Variants in KIAA1549L observed in about 807,000 individuals in gnomAD.
The protein encoded by KIAA1549L is UPF0606 protein KIAA1549L.
KIAA1549L carries 88 observed loss-of-function variants against 160.7 expected under a neutral mutation model. The observed-to-expected ratio is 0.55, with a 90% CI of 0.46 to 0.65. The LOEUF is 0.65. Ranked by LOEUF, KIAA1549L falls within the 30% of genes least tolerant of loss-of-function variation. KIAA1549L has a pLI of 0.00. For synonymous variants in KIAA1549L, 950 were observed against 976.7 expected (o/e 0.97, Z 0.51); for missense variants, 2,258 against 2,437.5 (o/e 0.93, Z 1.55).
At chr11:33,657,611 A>C (rs1009199459) in intron 18 of KIAA1549L, among the ~76,000 whole-genome samples, 2 of 152,144 alleles carry the variant, frequency 1.3e-5, no homozygotes, top group Non-Finnish European at 2.9e-5. Flanking sequence ...AGCCTGGACA[A>C]TATGGTGAAA....
intron 1 of KIAA1549L, among the ~76,000 whole-genome samples, chr11:33,447,652 T>G (rs59194682): frequency 7.9e-6 from 1 of 126,232 alleles, no homozygotes; most frequent in Non-Finnish European, 1.8e-5. Flanking sequence ...CACACAAAAT[T>G]TTAGCATTCT....
At chr11:33,454,833 T>G (rs553938768) in intron 1 of KIAA1549L, among the ~76,000 whole-genome samples, 1 of 152,308 alleles carries the variant, frequency 6.6e-6, no homozygotes, top group African/African-American at 2.4e-5. Context: ...CTCACGCCTG[T>G]AATCTCAGCA....
intron 7 of KIAA1549L, 51 bp downstream of exon 7, chr11:33,559,962 C>T: frequency 6.4e-7 from 1 of 1,555,358 alleles, no homozygotes; most frequent in Non-Finnish European, 8.8e-7. Context: ...TGTGGCCTTT[C>T]TCCATTTAGC....
In KIAA1549L at chr11:33,661,009, G is replaced by A; in HGVS notation, c.6154G>A (p.Asp2052Asn). 1.2e-6 allele frequency: 2 copies of A among 1,608,124 alleles called. No homozygotes were observed. Among genetic ancestry groups the A allele is most frequent in the Non-Finnish European group, 8.5e-7 (1 of 1,177,050 alleles). ...GENELPSQWADSVPLPGYIEA... is the reference protein window; with the variant it reads ...GENELPSQWANSVPLPGYIEA... The stretch of plus-strand genomic sequence containing the variant: ...GAATGAGCTCCCGAGCCAGTGGGCA[G>A]ATTCGGTGAGACCCTTGCTCTTCAC... The change falls in exon 20 of 21, where the codon GAT (aspartate) becomes AAT (asparagine). Residue 2052 changes from aspartate (D) to asparagine (N), a missense_variant. Physicochemically the swap from Asp to Asn is conservative, Grantham distance 23. Coordinates refer to ENST00000658780, the MANE Select transcript of KIAA1549L (RefSeq NM_012194.3).
chr11:33,601,481 A>G (rs1169456439), intron 13 of KIAA1549L, among the ~76,000 whole-genome samples: 1 of 152,252 alleles, frequency 6.6e-6, no homozygotes, highest in Non-Finnish European at 1.5e-5. Context: ...GAAGGAAGGA[A>G]GAAAATGACA....
rs1850639559 is a variant in KIAA1549L, at chr11:33,405,865, C to CAAAAAAAAAA, written c.238+28980_238+28981insAAAAAAAAAA. 3.9e-5 allele frequency among the ~76,000 whole-genome samples: 4 copies of CAAAAAAAAAA among 101,424 alleles called. No individual in the cohort carries two copies. The South Asian group carries it at 1.1e-3, about 28-fold the overall frequency. 66.5% of individuals were successfully genotyped at this position (101,424 alleles called of 152,430 possible). ...AAAAAAAAAAAAAAAAAAAAAAAAG[C>CAAAAAAAAAA]AAAAGCTCTACTAGGAATAGTGTTT... On this transcript the variant is annotated intron_variant, in intron 1 of 20. Coordinates refer to ENST00000658780, the MANE Select transcript of KIAA1549L (RefSeq NM_012194.3).
chr11:33,431,279 A>C (rs983957331), intron 1 of KIAA1549L, among the ~76,000 whole-genome samples: 64 of 152,182 alleles, frequency 4.2e-4, no homozygotes, highest in Non-Finnish European at 8.4e-4. Context: ...GTGGAAGGGG[A>C]CCCGAGCGGA....
chr11:33,618,505 A>T lies in KIAA1549L; in HGVS notation c.5280-28A>T, dbSNP rs762510408. 12 of 1,585,008 alleles carry T rather than the reference A, an allele frequency of 7.6e-6. No homozygotes were observed. The Middle Eastern group carries it at 8.3e-4, about 110-fold the overall frequency. On this transcript the variant is annotated intron_variant, in intron 15 of 20. Transcript: ENST00000658780. ...TTCCATCTGTCAGGGCATTTGCTGC[A>T]TCATAACAGTTGTTGAATTTTCTTC...
chr11:33,454,829 C>G (rs1851789580), intron 1 of KIAA1549L, among the ~76,000 whole-genome samples: 2 of 152,148 alleles, frequency 1.3e-5, no homozygotes, highest in Admixed American at 1.3e-4. Flanking sequence ...GTGGCTCACG[C>G]CTGTAATCTC....
intron 11 of KIAA1549L, among the ~76,000 whole-genome samples, 175 bp downstream of exon 11, chr11:33,583,676 G>A (rs1167548549): frequency 1.3e-5 from 2 of 152,200 alleles, no homozygotes; most frequent in African/African-American, 4.8e-5. Flanking sequence ...GTGGTTATCT[G>A]ATGCCCATTC....
chr11:33,545,470 G>C, intron 3 of KIAA1549L, 92 bp downstream of exon 3: 1 of 1,415,486 alleles, frequency 7.1e-7, no homozygotes, highest in Non-Finnish European at 9.3e-7. Context: ...CCTCAACCAG[G>C]GGACATTTTT....
intron 9 of KIAA1549L, among the ~76,000 whole-genome samples, chr11:33,570,961 A>G (rs1039525678): frequency 2.0e-5 from 3 of 152,144 alleles, no homozygotes; most frequent in African/African-American, 7.2e-5. Flanking sequence ...TTAGACAAGA[A>G]ACTCTTAGAT....
At chr11:33,524,613 GCT>G (rs1853572351) in intron 1 of KIAA1549L, among the ~76,000 whole-genome samples, 1 of 152,070 alleles carries the variant, frequency 6.6e-6, no homozygotes, top group Non-Finnish European at 1.5e-5. Flanking sequence ...TCTAGGTATA[GCT>G]TTTACTGTTC....
rs558721492 is a variant in KIAA1549L, at chr11:33,574,873, C to T, written c.4402C>T (p.Pro1468Ser). Residue 1468 changes from proline to serine, a missense_variant and splice_region_variant, in exon 10 of 21, where the codon CCC becomes TCC. Physicochemically the swap from Pro to Ser is moderately conservative, Grantham distance 74. Around this residue, in one of 6 missense-constraint regions of KIAA1549L, gnomAD observed 1,359 missense variants for 1,546.6 expected, o/e 0.88. Coordinates refer to ENST00000658780, the MANE Select transcript of KIAA1549L (RefSeq NM_012194.3). ...LHHVVLLQAD[P>S]VVKNPPNNLW... ...TCACGTTGTCCTTCTGCAAGCTGACCGTAAGGGAATGGTCTTTTTATTCAG... is the reference window on the plus strand; with the variant it reads ...TCACGTTGTCCTTCTGCAAGCTGACTGTAAGGGAATGGTCTTTTTATTCAG... 6.8e-6 allele frequency: 11 copies of T among 1,611,298 alleles called. No homozygotes were observed. Among genetic ancestry groups the T allele is most frequent in the Non-Finnish European group, 8.5e-6 (10 of 1,178,368 alleles).
chr11:33,646,435 G>A (rs1414599949), intron 17 of KIAA1549L, among the ~76,000 whole-genome samples: 1 of 152,174 alleles, frequency 6.6e-6, no homozygotes, highest in African/African-American at 2.4e-5. Context: ...AAGCGCACAG[G>A]CTTTGAGCCA....
chr11:33,639,440 T>A (rs1851528500), intron 16 of KIAA1549L, among the ~76,000 whole-genome samples: 1 of 152,162 alleles, frequency 6.6e-6, no homozygotes, highest in African/African-American at 2.4e-5. Flanking sequence ...ATACCATAAC[T>A]CTCCAAAACT....
chr11:33,577,616 T>C (rs1855495988), intron 10 of KIAA1549L, among the ~76,000 whole-genome samples: 1 of 152,186 alleles, frequency 6.6e-6, no homozygotes, highest in Admixed American at 6.5e-5. Context: ...GTTTCTGCTC[T>C]CTTGGGTATA....
At chr11:33,667,621 C>T (rs1852515168) in intron 20 of KIAA1549L, among the ~76,000 whole-genome samples, 1 of 152,132 alleles carries the variant, frequency 6.6e-6, no homozygotes, top group Non-Finnish European at 1.5e-5. Flanking sequence ...GTCTTGATCT[C>T]CTGACCTCAT....
At chr11:33,657,953 T>C (rs892017401) in intron 18 of KIAA1549L, among the ~76,000 whole-genome samples, 25 of 152,198 alleles carry the variant, frequency 1.6e-4, no homozygotes, top group African/African-American at 5.8e-4. Flanking sequence ...GCAGCTGTCT[T>C]TGCCTCTCTC....
Sources: gnomAD v4.1 joint callset for allele counts (sites outside exome capture counted in the v4.1 genomes callset) on GRCh38, gnomAD v4.1.1 for gene constraint, gnomAD v4.1.1 regional missense constraint, MANE v1.5 for transcripts, NCBI Gene and HGNC (gene_info 2026-07-23, HGNC 2026-07-21) for gene names.